Variants in MAEL observed in about 807,000 individuals in gnomAD.
MAEL encodes the protein maelstrom spermatogenic transposon silencer.
In MAEL, 46 loss-of-function variants were observed where a neutral mutation model predicts 62.0. The observed-to-expected ratio is 0.74, with a 90% CI of 0.59 to 0.95. MAEL has a LOEUF of 0.95. MAEL is among the 40% of genes least tolerant of loss of function. MAEL has a pLI of 0.00. For synonymous variants in MAEL, 172 were observed against 175.5 expected (o/e 0.98, Z 0.16); for missense variants, 497 against 526.8 (o/e 0.94, Z 0.55).
At chr1:167,019,766 T>C (rs968636876) in intron 10 of MAEL, among the ~76,000 whole-genome samples, 2 of 152,126 alleles carry the variant, frequency 1.3e-5, no homozygotes, top group Non-Finnish European at 2.9e-5. Flanking sequence ...TAGTACCTTT[T>C]TGGAGTCAGT....
upstream of MAEL, among the ~76,000 whole-genome samples, chr1:166,987,946 C>G (rs933315734): frequency 1.3e-5 from 2 of 152,042 alleles, no homozygotes; most frequent in African/African-American, 4.8e-5. Context: ...ATCAAGGAAG[C>G]CAAAATTCTA....
At chr1:167,013,048 A>G (rs12133327) in intron 8 of MAEL, among the ~76,000 whole-genome samples, 61,551 of 151,986 alleles carry the variant, frequency 0.4, 13,631 homozygotes, top group African/African-American at 0.6. Flanking sequence ...GAAAGATGAC[A>G]CCCAGGTTTC....
intron 5 of MAEL, among the ~76,000 whole-genome samples, chr1:167,000,297 T>G (rs927041570): frequency 2.0e-5 from 3 of 152,186 alleles, no homozygotes; most frequent in African/African-American, 7.2e-5. Flanking sequence ...CATTAAAGGT[T>G]GTTTGCAAGG....
Position 167,005,123 on chromosome 1 carries a change from G to C in MAEL, c.696G>C (p.Lys232Asn). ...ACTGGTGTTTGAAGCATATGGCAAA[G>C]GCATCAGGTAAGTAAAACTCTGGGT... ...RVNWCLKHMA[K>N]ASEIRQDLQL... Residue 232 changes from lysine to asparagine, a missense_variant, in exon 7 of 12, where the codon AAG becomes AAC. By Grantham distance (94) the Lys-to-Asn change is moderately conservative. Coordinates refer to ENST00000367872, the MANE Select transcript of MAEL (RefSeq NM_032858.3). 1 of 1,613,624 alleles carries C rather than the reference G, an allele frequency of 6.2e-7. No homozygotes were observed. The highest frequency in any genetic ancestry group is 8.5e-7 in the Non-Finnish European group (1 of 1,179,736).
chr1:167,017,388 A>G (rs1665441924), intron 9 of MAEL, among the ~76,000 whole-genome samples: 2 of 152,122 alleles, frequency 1.3e-5, no homozygotes, highest in Non-Finnish European at 2.9e-5. Context: ...TTATTGGGGT[A>G]CTCTAACACA....
At chr1:167,017,433 C>T (rs1005110452) in intron 9 of MAEL, among the ~76,000 whole-genome samples, 3 of 152,200 alleles carry the variant, frequency 2.0e-5, no homozygotes, top group Middle Eastern at 3.4e-3. Context: ...GTGAAAGTAC[C>T]GGGAGCCCCA....
intron 5 of MAEL, among the ~76,000 whole-genome samples, chr1:167,000,345 C>G (rs1664608878): frequency 6.6e-6 from 1 of 152,138 alleles, no homozygotes; most frequent in Admixed American, 6.5e-5. Flanking sequence ...TTGAGCAGTT[C>G]AAGACTTCAG....
chr1:166,985,469 A>T (rs935251781), upstream of MAEL, among the ~76,000 whole-genome samples: 4 of 152,264 alleles, frequency 2.6e-5, no homozygotes, highest in African/African-American at 9.6e-5. Flanking sequence ...TGGAATTCAC[A>T]TAGGACTAGA....
chr1:166,991,230 T>C (rs1018934883), intron 2 of MAEL, 148 bp from the exon 3 acceptor site: 2 of 612,770 alleles, frequency 3.3e-6, no homozygotes, highest in African/African-American at 3.7e-5. Flanking sequence ...CTTTGGGTGT[T>C]GGTATTATTG....
At chr1:167,015,791 A>G (rs796813482) in intron 8 of MAEL, among the ~76,000 whole-genome samples, 4 of 151,982 alleles carry the variant, frequency 2.6e-5, no homozygotes, top group African/African-American at 7.3e-5. Context: ...CAATTTTCCA[A>G]TTTACTGTGT....
chr1:167,019,124 A>C (rs1418600337), intron 10 of MAEL, among the ~76,000 whole-genome samples: 1 of 152,168 alleles, frequency 6.6e-6, no homozygotes, highest in African/African-American at 2.4e-5. Flanking sequence ...TCCATGGGAC[A>C]TCTGACAAAG....
intron 10 of MAEL, among the ~76,000 whole-genome samples, chr1:167,018,652 C>G (rs995998435): frequency 1.3e-5 from 2 of 152,100 alleles, no homozygotes; most frequent in African/African-American, 4.8e-5. Context: ...TAAACACTTA[C>G]TGAAAAGGAA....
intron 8 of MAEL, 58 bp from the exon 9 acceptor site, chr1:167,016,164 A>G (rs562935528): frequency 7.0e-7 from 1 of 1,437,932 alleles, no homozygotes; most frequent in Non-Finnish European, 9.8e-7. Context: ...TCTGGCATAT[A>G]AAAACCTTTA....
At chr1:166,980,812 C>T (rs1199521273) in intron 1 of MAEL, among the ~76,000 whole-genome samples, 4 of 152,110 alleles carry the variant, frequency 2.6e-5, no homozygotes, top group African/African-American at 7.2e-5. Flanking sequence ...TTCCTACAGC[C>T]AAAAGGCTAT....
chr1:167,000,923 A>G (rs573120645), intron 5 of MAEL, among the ~76,000 whole-genome samples: 1 of 152,382 alleles, frequency 6.6e-6, no homozygotes, highest in South Asian at 2.1e-4. Context: ...GAGGAAAAGA[A>G]GTCATACGAA....
intron 5 of MAEL, among the ~76,000 whole-genome samples, chr1:167,000,954 T>C (rs764242942): frequency 1.3e-5 from 2 of 152,210 alleles, no homozygotes; most frequent in Non-Finnish European, 2.9e-5. Flanking sequence ...TGCACACACA[T>C]GTTTATAACA....
At position 167,021,931 on chromosome 1, in the gene MAEL, C is replaced by G; in HGVS notation, c.*76C>G. On this transcript the variant is annotated 3_prime_UTR_variant, in exon 12 of 12. Coordinates refer to ENST00000367872, the MANE Select transcript of MAEL (RefSeq NM_032858.3). ...CTTACTACAGTCATATTAAACAGAT[C>G]ACATCAATGACAAATGTCACTACTA... 3.4e-6 allele frequency: 3 copies of G among 883,582 alleles called. No individual in the cohort carries two copies. The highest frequency in any genetic ancestry group is 5.1e-6 in the Non-Finnish European group (3 of 583,052). The allele number at this position is 883,582 out of a possible 1,614,324, so 54.7% of individuals were successfully genotyped here. A position where few individuals can be genotyped will look rare whatever the true frequency, so the allele number is the denominator to read the frequency against.
chr1:167,004,196 G>A lies in MAEL; in HGVS notation c.540G>A (p.Lys180=), dbSNP rs142019908. Residue 180 remains lysine, a synonymous_variant, in exon 6 of 12, where the codon AAG becomes AAA. Transcript: ENST00000367872. Reference sequence around the variant, plus strand: ...TTCCCTCAGGTGATTCTAGTCACAAGATTCCTATTTCAAATTTTGAACGTG... The same window carrying A: ...TTCCCTCAGGTGATTCTAGTCACAAAATTCCTATTTCAAATTTTGAACGTG... ...HCQAASDSSH[K]IPISNFERGH... 6.8e-6 allele frequency: 11 copies of A among 1,608,320 alleles called. No homozygotes were observed. The highest frequency in any genetic ancestry group is 6.7e-5 in the African/African-American group (5 of 74,654).
intron 5 of MAEL, among the ~76,000 whole-genome samples, chr1:167,000,439 A>C (rs1664613460): frequency 6.6e-6 from 1 of 152,236 alleles, no homozygotes; most frequent in Non-Finnish European, 1.5e-5. Context: ...TGAATGGGTA[A>C]GGAGTTGCTT....
Sources: gnomAD v4.1 joint callset for allele counts (sites outside exome capture counted in the v4.1 genomes callset) on GRCh38, gnomAD v4.1.1 for gene constraint, MANE v1.5 for transcripts, NCBI Gene and HGNC (gene_info 2026-07-23, HGNC 2026-07-21) for gene names.